HSP90AA1: variants seen among roughly 807,000 people sequenced by gnomAD.
The protein encoded by HSP90AA1 is heat shock protein HSP 90-alpha.
Under a neutral mutation model 73.3 loss-of-function variants are expected in HSP90AA1, and 18 were observed. The ratio of observed to expected loss-of-function variants is 0.25; its 90% CI spans 0.17 to 0.36. HSP90AA1 has a LOEUF of 0.36. Among genes scored for constraint, HSP90AA1 ranks in the 10% least tolerant of loss-of-function variants. HSP90AA1 has a pLI of 1.00. For synonymous variants in HSP90AA1, 477 were observed against 296.9 expected, an observed-to-expected ratio of 1.61 and a Z score of -6.24; for missense variants, 704 against 874.2, an observed-to-expected ratio of 0.81 and a Z score of 2.45.
chr14:102,096,041 T>C (rs1055930619), intron 2 of HSP90AA1, among the ~76,000 whole-genome samples: 39 of 152,314 alleles, frequency 2.6e-4, no homozygotes, highest in African/African-American at 9.1e-4. Context: ...CCCATCTCCA[T>C]GCCTGATCTT....
At chr14:102,085,139 T>C (rs766334786) in intron 4 of HSP90AA1, 141 bp from the exon 5 acceptor site, 136 of 1,483,690 alleles carry the variant, frequency 9.2e-5, no homozygotes, top group Non-Finnish European at 1.2e-4. Context: ...ATTTGATACA[T>C]CCACTTAATA....
intron 3 of HSP90AA1, 66 bp from the exon 4 acceptor site, chr14:102,085,497 C>G (rs1445826568): frequency 1.4e-6 from 2 of 1,452,722 alleles, no homozygotes; most frequent in Non-Finnish European, 1.9e-6. Context: ...ATGCCTAACA[C>G]CCTTATAACG....
At chr14:102,112,281 T>C (rs1055976173) in intron 1 of HSP90AA1, among the ~76,000 whole-genome samples, 4 of 152,192 alleles carry the variant, frequency 2.6e-5, no homozygotes, top group African/African-American at 9.7e-5. Context: ...CAAGCAATTC[T>C]CCTGCCTCAG....
At chr14:102,124,538 C>CT (rs1566735439) in intron 1 of HSP90AA1, among the ~76,000 whole-genome samples, 1 of 151,532 alleles carries the variant, frequency 6.6e-6, no homozygotes, top group Non-Finnish European at 1.5e-5. Context: ...TCTATTGTTT[C>CT]TTTTTTTCTT....
At chr14:102,113,365 T>A (rs563915941) in intron 1 of HSP90AA1, among the ~76,000 whole-genome samples, 2 of 151,264 alleles carry the variant, frequency 1.3e-5, no homozygotes, top group South Asian at 4.2e-4. Flanking sequence ...TCTTTCTTTC[T>A]TTAATTAATT....
intron 1 of HSP90AA1, among the ~76,000 whole-genome samples, chr14:102,119,784 G>A (rs927334947): frequency 6.6e-6 from 1 of 152,122 alleles, no homozygotes; most frequent in Admixed American, 6.6e-5. Context: ...ACCACACCCG[G>A]CCGTTTTCCT....
intron 3 of HSP90AA1, 116 bp downstream of exon 3, chr14:102,085,641 TC>T: frequency 6.7e-7 from 1 of 1,495,778 alleles, no homozygotes; most frequent in South Asian, 1.1e-5. Context: ...TCTAGCTTGT[TC>T]CTGATCGTTG....
At chr14:102,133,367 C>G (rs1323157176) in intron 1 of HSP90AA1, among the ~76,000 whole-genome samples, 1 of 151,964 alleles carries the variant, frequency 6.6e-6, no homozygotes, top group Non-Finnish European at 1.5e-5. Context: ...ATTTTGAACA[C>G]AATTATAGGG....
Position 102,082,415 on chromosome 14 carries a change from A to T in HSP90AA1, c.1785T>A (p.Ser595=). The change falls in exon 10 of 11, where the codon TCT becomes TCA. Residue 595 remains serine (S), a synonymous_variant. Transcript: ENST00000216281. Reference sequence around the variant, plus strand: ...ATGTGCTTGTGACAATACAGCATGGAGATGTCACCAATCGGTTTGACACAA... The same window carrying T: ...ATGTGCTTGTGACAATACAGCATGGTGATGTCACCAATCGGTTTGACACAA... ...KVVVSNRLVT[S]PCCIVTSTYG... 1 of 1,613,310 alleles carries T rather than the reference A, an allele frequency of 6.2e-7. No individual in the cohort carries two copies. Among genetic ancestry groups the T allele is most frequent in the African/African-American group, 1.3e-5 (1 of 75,046 alleles).
intron 1 of HSP90AA1, among the ~76,000 whole-genome samples, chr14:102,125,051 G>C (rs888072929): frequency 2.0e-5 from 3 of 152,080 alleles, no homozygotes; most frequent in African/African-American, 4.8e-5. Flanking sequence ...GAGTTCAGTG[G>C]TGTGATCACA....
At position 102,124,126 on chromosome 14, in the gene HSP90AA1, T is replaced by C. The variant is rs2049812516; in HGVS notation, c.155+15124A>G. 2.0e-5 allele frequency among the ~76,000 whole-genome samples: 3 copies of C among 152,114 alleles called. No homozygotes were observed. The South Asian group carries it at 6.2e-4, about 31-fold the overall frequency. On this transcript the variant is annotated intron_variant, in intron 1 of 11. Transcript: ENST00000334701. Reference sequence around the variant, plus strand: ...ATTGTGAATGTGACATTTTCTTCCATTATACTTAAATTAGTTACTATTTGA... The same window carrying C: ...ATTGTGAATGTGACATTTTCTTCCACTATACTTAAATTAGTTACTATTTGA...
Position 102,086,140 on chromosome 14 carries a change from ATTAAT to A in HSP90AA1, c.163-21_163-17del. 1 of 1,614,000 alleles carries A rather than the reference ATTAAT, an allele frequency of 6.2e-7. No homozygotes were observed. Among genetic ancestry groups the A allele is most frequent in the Non-Finnish European group, 8.5e-7 (1 of 1,179,854 alleles). ...TGTCCAATGCCTGTTAACAAAAAAT[ATTAAT>A]TTAAGCATACAGCACCCCCAAGAAG... On this transcript the variant is annotated splice_polypyrimidine_tract_variant and intron_variant, in intron 2 of 10. Coordinates refer to ENST00000216281, the MANE Select transcript of HSP90AA1 (RefSeq NM_005348.4).
chr14:102,083,915 T>C lies in HSP90AA1; in HGVS notation c.1216A>G (p.Ser406Gly). ...LNISREMLQQSKILKVIRKNL... is the reference protein window; with the variant it reads ...LNISREMLQQGKILKVIRKNL... ...TTCCTGATAACTTTCAAAATTTTGCTTTGTTGCAACATCTCACGGGATATG... is the reference window on the plus strand; with the variant it reads ...TTCCTGATAACTTTCAAAATTTTGCCTTGTTGCAACATCTCACGGGATATG... Residue 406 changes from serine (S) to glycine (G), a missense_variant, in exon 7 of 11, where the codon AGC becomes GGC. Physicochemically the swap from Ser to Gly is moderately conservative, Grantham distance 56. Coordinates refer to ENST00000216281, the MANE Select transcript of HSP90AA1 (RefSeq NM_005348.4). The C allele has an allele frequency of 6.2e-7, 1 of 1,614,088 alleles. No individual in the cohort carries two copies. The highest frequency in any genetic ancestry group is 8.5e-7 in the Non-Finnish European group (1 of 1,179,982).
At chr14:102,130,410 A>G (rs532405720) in intron 1 of HSP90AA1, among the ~76,000 whole-genome samples, 7 of 152,228 alleles carry the variant, frequency 4.6e-5, no homozygotes, top group South Asian at 4.2e-4. Context: ...TCTGCAGTAC[A>G]TGGGGGTTTA....
intron 2 of HSP90AA1, among the ~76,000 whole-genome samples, chr14:102,094,873 T>A (rs1479310585): frequency 6.6e-6 from 1 of 152,120 alleles, no homozygotes; most frequent in Non-Finnish European, 1.5e-5. Context: ...ACGCTTCCAA[T>A]GAGACCTGAG....
In HSP90AA1 at chr14:102,086,019, T is replaced by C. The variant is rs1566721251; in HGVS notation, c.268A>G (p.Thr90Ala). ...LIPNKQDRTL[T>A]IVDTGIGMTK... ...ATTCCAATTCCAGTATCCACAATAG[T>C]GAGAGTTCGATCTTGTTTGTTCGGT... The change falls in exon 3 of 11, where the codon ACT becomes GCT. Residue 90 changes from threonine (T) to alanine (A), a missense_variant. Coordinates refer to ENST00000216281, the MANE Select transcript of HSP90AA1 (RefSeq NM_005348.4). 1.2e-6 allele frequency: 2 copies of C among 1,613,888 alleles called. No individual in the cohort carries two copies. Among genetic ancestry groups the C allele is most frequent in the Middle Eastern group, 1.7e-4 (1 of 6,056 alleles).
At chr14:102,095,142 G>T (rs910063769) in intron 2 of HSP90AA1, among the ~76,000 whole-genome samples, 2 of 152,218 alleles carry the variant, frequency 1.3e-5, no homozygotes, top group Non-Finnish European at 2.9e-5. Flanking sequence ...CTGGGAACAT[G>T]AGCAGGAATG....
chr14:102,083,491 G>A (rs1231664836), intron 8 of HSP90AA1, 55 bp downstream of exon 8: 4 of 1,551,924 alleles, frequency 2.6e-6, no homozygotes, highest in Admixed American at 1.7e-5. Flanking sequence ...CACACCCACA[G>A]AGCCTACAAG....
At chr14:102,102,499 T>G (rs1323428197) in intron 1 of HSP90AA1, among the ~76,000 whole-genome samples, 3 of 152,344 alleles carry the variant, frequency 2.0e-5, no homozygotes, top group Admixed American at 1.3e-4. Flanking sequence ...CTGGTTGGGT[T>G]TCAAAGTTAG....
Sources: gnomAD v4.1 joint callset for allele counts (sites outside exome capture counted in the v4.1 genomes callset) on GRCh38, gnomAD v4.1.1 for gene constraint, MANE v1.5 for transcripts, NCBI Gene and HGNC (gene_info 2026-07-23, HGNC 2026-07-21) for gene names.